Variants in BRINP2 observed in about 807,000 individuals in gnomAD.
BRINP2 encodes the protein BMP/retinoic acid-inducible neural-specific protein 2.
In BRINP2, 21 loss-of-function variants were observed where a neutral mutation model predicts 69.2. The observed-to-expected ratio is 0.30, with a 90% CI of 0.22 to 0.44. The LOEUF is 0.44. Ranked by LOEUF, BRINP2 falls within the 20% of genes least tolerant of loss-of-function variation. The pLI, the probability that BRINP2 is intolerant of heterozygous loss-of-function variation, is 1.00. For synonymous variants in BRINP2, 380 were observed against 394.1 expected (o/e 0.96, Z 0.42); for missense variants, 877 against 986.0 (o/e 0.89, Z 1.48).
At chr1:177,249,087 T>C (rs551642085) in intron 2 of BRINP2, among the ~76,000 whole-genome samples, 1 of 152,302 alleles carries the variant, frequency 6.6e-6, no homozygotes, top group Non-Finnish European at 1.5e-5. Flanking sequence ...ATAACTACAA[T>C]TACTTCAGCA....
intron 1 of BRINP2, among the ~76,000 whole-genome samples, chr1:177,221,608 T>C (rs956545558): frequency 6.6e-6 from 1 of 152,160 alleles, no homozygotes; most frequent in Non-Finnish European, 1.5e-5. Context: ...ATTATAAAAA[T>C]ATACCCCAGC....
At chr1:177,187,832 T>C (rs1260763846) in intron 1 of BRINP2, among the ~76,000 whole-genome samples, 2 of 152,186 alleles carry the variant, frequency 1.3e-5, no homozygotes, top group Admixed American at 1.3e-4. Context: ...GTTAACCATA[T>C]GATTTTTTTC....
At chr1:177,238,900 T>C (rs1158409874) in intron 2 of BRINP2, among the ~76,000 whole-genome samples, 2 of 152,190 alleles carry the variant, frequency 1.3e-5, no homozygotes, top group African/African-American at 4.8e-5. Context: ...AAAATTATCC[T>C]AGTAAGAACC....
chr1:177,230,349 G>A (rs1004565117), intron 2 of BRINP2, among the ~76,000 whole-genome samples: 1 of 152,168 alleles, frequency 6.6e-6, no homozygotes, highest in Non-Finnish European at 1.5e-5. Flanking sequence ...CACACAAGCT[G>A]GAAAACCTGC....
rs1427955352 is a variant in BRINP2, at chr1:177,214,754, AT to A, written c.-76-15041del. ...AGTGTATGAATACCAACTTTTCATT[AT>A]TTTTTAGGATTTTAAAAATTACTTA... On this transcript the variant is annotated intron_variant, in intron 1 of 7. Coordinates refer to ENST00000361539, the MANE Select transcript of BRINP2 (RefSeq NM_021165.4). Among the ~76,000 whole-genome samples, 27 of 152,184 alleles carry A rather than the reference AT, an allele frequency of 1.8e-4. 1 individual carries two copies. Among genetic ancestry groups the A allele is most frequent in the Non-Finnish European group, 2.9e-5 (2 of 68,022 alleles).
intron 1 of BRINP2, among the ~76,000 whole-genome samples, chr1:177,200,958 G>T (rs906674679): frequency 6.6e-6 from 1 of 152,096 alleles, no homozygotes; most frequent in Admixed American, 6.6e-5. Context: ...ACCAAATACC[G>T]TATGTTCTCA....
Position 177,280,610 on chromosome 1 carries a change from G to A in BRINP2, c.1434G>A (p.Gly478=), listed in dbSNP as rs146926307. The A allele has an allele frequency of 3.1e-5, 50 of 1,614,190 alleles. No homozygotes were observed. The African/African-American group carries it at 6.4e-4, about 21-fold the overall frequency. The change falls in exon 8 of 8, where the codon GGG becomes GGA. Residue 478 remains glycine, a synonymous_variant. Coordinates refer to ENST00000361539, the MANE Select transcript of BRINP2 (RefSeq NM_021165.4). ...HCAPDNSTRC[G]SCNPGYVLAQ... is the part of the protein sequence containing the mutation. ...CTCCAGACAATAGCACACGCTGTGG[G>A]AGCTGCAACCCGGGCTATGTGCTGG...
At chr1:177,216,738 C>T (rs556501731) in intron 1 of BRINP2, among the ~76,000 whole-genome samples, 1 of 147,564 alleles carries the variant, frequency 6.8e-6, no homozygotes, top group Non-Finnish European at 1.5e-5. Context: ...TCCCTCATTT[C>T]TGAAAGACAG....
chr1:177,248,494 C>CGT (rs142068160), intron 2 of BRINP2, among the ~76,000 whole-genome samples: 34 of 136,216 alleles, frequency 2.5e-4, no homozygotes, highest in East Asian at 2.0e-3. Flanking sequence ...TGTGTGCGTG[C>CGT]GTGTGTGTGT....
At chr1:177,181,674 C>T (rs73034431) in intron 1 of BRINP2, among the ~76,000 whole-genome samples, 3,067 of 152,324 alleles carry the variant, frequency 0.02, 114 homozygotes, top group African/African-American at 0.07. Flanking sequence ...CATTTATCAT[C>T]AATACGTCGT....
At position 177,214,762 on chromosome 1, in the gene BRINP2, G is replaced by A. The variant is rs186625747; in HGVS notation, c.-76-15039G>A. 2.6e-5 allele frequency among the ~76,000 whole-genome samples: 4 copies of A among 152,142 alleles called. No individual in the cohort carries two copies. The East Asian group carries it at 7.7e-4, about 29-fold the overall frequency. ...AATACCAACTTTTCATTATTTTTTA[G>A]GATTTTAAAAATTACTTATTGACAA... On this transcript the variant is annotated intron_variant, in intron 1 of 7. Coordinates refer to ENST00000361539, the MANE Select transcript of BRINP2 (RefSeq NM_021165.4).
rs895910668 is a variant in BRINP2 at position 177,281,600 on chromosome 1, C to T, written c.*72C>T. On this transcript the variant is annotated 3_prime_UTR_variant, in exon 8 of 8. Coordinates refer to ENST00000361539, the MANE Select transcript of BRINP2 (RefSeq NM_021165.4). The stretch of plus-strand genomic sequence containing the variant: ...GGGGTACAAAGATAATCTAAGCCCT[C>T]ACCTTAGTGCCAACAGGGTGTGCTC... 3 of 1,493,826 alleles carry T rather than the reference C, an allele frequency of 2.0e-6. No homozygotes were observed. The highest frequency in any genetic ancestry group is 2.8e-5 in the African/African-American group (2 of 71,558). The allele number at this position is 1,493,826 out of a possible 1,614,324, so 92.5% of individuals were successfully genotyped here.
chr1:177,243,383 T>C (rs1158527352), intron 2 of BRINP2, among the ~76,000 whole-genome samples: 1 of 152,156 alleles, frequency 6.6e-6, no homozygotes, highest in Non-Finnish European at 1.5e-5. Context: ...ATTCTCCCTG[T>C]AGAGCACGAC....
chr1:177,191,839 C>A (rs1444766736), intron 1 of BRINP2, among the ~76,000 whole-genome samples: 1 of 152,186 alleles, frequency 6.6e-6, no homozygotes, highest in Non-Finnish European at 1.5e-5. Context: ...ACTGAAAACA[C>A]CAATAATGTG....
chr1:177,280,992 A>C lies in BRINP2; in HGVS notation c.1816A>C (p.Asn606His), dbSNP rs1651680328. ...SHSESWFMPV[N>H]EGSFPDWERT... The stretch of plus-strand genomic sequence containing the variant: ...CTCTGAGAGCTGGTTCATGCCTGTG[A>C]ATGAGGGCAGCTTTCCTGACTGGGA... Residue 606 changes from asparagine (N) to histidine (H), a missense_variant, in exon 8 of 8, where the codon AAT (asparagine) becomes CAT (histidine). Transcript: ENST00000361539. 1 of 1,614,056 alleles carries C rather than the reference A, an allele frequency of 6.2e-7. No homozygotes were observed. The highest frequency in any genetic ancestry group is 8.5e-7 in the Non-Finnish European group (1 of 1,180,028).
chr1:177,281,418 C>T lies in BRINP2; in HGVS notation c.2242C>T (p.Arg748Trp), dbSNP rs1452978190. Residue 748 changes from arginine (R) to tryptophan (W), a missense_variant, in exon 8 of 8, where the codon CGG (arginine) becomes TGG (tryptophan). Physicochemically the swap from Arg to Trp is moderately radical, Grantham distance 101 (BLOSUM62 -3). This residue lies in a region of BRINP2 where 225 missense variants were observed against 218.7 expected (regional missense o/e 1.03). Transcript: ENST00000361539. The stretch of plus-strand genomic sequence containing the variant: ...CCTTTTCTCCTGCTTGCTCCGGCAT[C>T]GGCTTAAGCTGGCCAACAATGAGGT... ...LDLFSCLLRHRLKLANNEVGR... is the reference protein window; with the variant it reads ...LDLFSCLLRHWLKLANNEVGR... 5 of 1,613,990 alleles carry T rather than the reference C, an allele frequency of 3.1e-6. No individual in the cohort carries two copies. The highest frequency in any genetic ancestry group is 4.2e-6 in the Non-Finnish European group (5 of 1,180,050).
At chr1:177,172,407 T>C (rs1422401991) in intron 1 of BRINP2, among the ~76,000 whole-genome samples, 1 of 152,192 alleles carries the variant, frequency 6.6e-6, no homozygotes, top group Non-Finnish European at 1.5e-5. Context: ...GTCTCTGTTT[T>C]TGTGATCATC....
Position 177,171,531 on chromosome 1 carries a change from G to C in BRINP2, c.-278G>C, listed in dbSNP as rs986565595. 4.5e-5 allele frequency: 7 copies of C among 154,906 alleles called. No homozygotes were observed. The highest frequency in any genetic ancestry group is 1.4e-4 in the African/African-American group (6 of 41,570). The allele number at this position is 154,906 out of a possible 1,614,324, so 9.6% of individuals were successfully genotyped here. A position where few individuals can be genotyped will look rare whatever the true frequency, so the allele number is the denominator to read the frequency against. The stretch of plus-strand genomic sequence containing the variant: ...CAAGAGAATTTGAAAAGAGACATCC[G>C]CTCCCTCTCACACGCTGAGGGGGAG... On this transcript the variant is annotated 5_prime_UTR_variant, in exon 1 of 8. Transcript: ENST00000361539.
chr1:177,207,268 G>A (rs1356530926), intron 1 of BRINP2, among the ~76,000 whole-genome samples: 1 of 152,022 alleles, frequency 6.6e-6, no homozygotes, highest in African/African-American at 2.4e-5. Context: ...AGCCTGAGTG[G>A]CTAACAGCTT....
Sources: gnomAD v4.1 joint callset for allele counts (sites outside exome capture counted in the v4.1 genomes callset) on GRCh38, gnomAD v4.1.1 for gene constraint, gnomAD v4.1.1 regional missense constraint, MANE v1.5 for transcripts, NCBI Gene and HGNC (gene_info 2026-07-23, HGNC 2026-07-21) for gene names.